Variants in CTNNBL1 observed in about 807,000 individuals in gnomAD.
CTNNBL1 encodes beta-catenin-like protein 1.
Under a neutral mutation model 72.7 loss-of-function variants are expected in CTNNBL1, and 31 were observed. The ratio of observed to expected loss-of-function variants is 0.43; its 90% CI spans 0.32 to 0.58. CTNNBL1 has a LOEUF of 0.58. Ranked by LOEUF, CTNNBL1 falls within the 20% of genes least tolerant of loss-of-function variation. The probability of loss-of-function intolerance (pLI) is 0.08; values close to 1 mark genes in which losing one functional copy is unlikely to be tolerated. For synonymous variants in CTNNBL1, 240 were observed against 267.3 expected, an observed-to-expected ratio of 0.90 and a Z score of 1.00; for missense variants, 534 against 725.1, an observed-to-expected ratio of 0.74 and a Z score of 3.03.
At chr20:37,866,569 T>A (rs1033332416) in intron 15 of CTNNBL1, among the ~76,000 whole-genome samples, 1 of 152,238 alleles carries the variant, frequency 6.6e-6, no homozygotes, top group Non-Finnish European at 1.5e-5. Context: ...AAGTGCCTGT[T>A]ACATGTTAGC....
intron 4 of CTNNBL1, among the ~76,000 whole-genome samples, chr20:37,754,459 T>C (rs1426959691): frequency 6.6e-6 from 1 of 151,994 alleles, no homozygotes; most frequent in Non-Finnish European, 1.5e-5. Context: ...AGTGGGTGGA[T>C]GGGTGGATGG....
chr20:37,750,553 C>T (rs2073309757), intron 4 of CTNNBL1: 1 of 152,082 alleles, frequency 6.6e-6, no homozygotes, highest in Admixed American at 6.5e-5. Context: ...TAAGGTATTG[C>T]TAAAAAATCC....
At chr20:37,771,568 C>CT (rs11477083) in intron 7 of CTNNBL1, among the ~76,000 whole-genome samples, 1,910 of 146,932 alleles carry the variant, frequency 0.013, 23 homozygotes, top group African/African-American at 0.038. Context: ...TTTTAGATAC[C>CT]TTTTTTTTTT....
intron 1 of CTNNBL1, among the ~76,000 whole-genome samples, chr20:37,712,635 AAC>A (rs2072948567): frequency 1.3e-5 from 2 of 152,244 alleles, no homozygotes. Context: ...ACTAATACAA[AAC>A]ACCCAAACTT....
intron 15 of CTNNBL1, among the ~76,000 whole-genome samples, chr20:37,869,613 A>G (rs942445217): frequency 6.6e-6 from 1 of 152,208 alleles, no homozygotes; most frequent in African/African-American, 2.4e-5. Context: ...TCAGGCCCAC[A>G]TGTGCTGGAG....
At chr20:37,695,506 AAT>A (rs1270459347) in intron 1 of CTNNBL1, among the ~76,000 whole-genome samples, 1 of 152,176 alleles carries the variant, frequency 6.6e-6, no homozygotes, top group Non-Finnish European at 1.5e-5. Flanking sequence ...CAGCCAATAA[AAT>A]ATGTTTAAAA....
chr20:37,843,926 T>C (rs2072325887), intron 13 of CTNNBL1, among the ~76,000 whole-genome samples: 2 of 152,258 alleles, frequency 1.3e-5, no homozygotes, highest in African/African-American at 4.8e-5. Flanking sequence ...CTCTAAATTC[T>C]GAGGCTGCAC....
At chr20:37,856,290 T>G (rs1203850409) in intron 13 of CTNNBL1, among the ~76,000 whole-genome samples, 1 of 151,784 alleles carries the variant, frequency 6.6e-6, no homozygotes, top group African/African-American at 2.4e-5. Flanking sequence ...GCTCTTCCTT[T>G]CAAGGAACGC....
intron 11 of CTNNBL1, among the ~76,000 whole-genome samples, chr20:37,824,052 T>A (rs2072135263): frequency 6.6e-6 from 1 of 152,236 alleles, no homozygotes; most frequent in Admixed American, 6.5e-5. Context: ...CTGAAAGAGC[T>A]TCCAGGGCAC....
At chr20:37,787,313 G>C (rs549308858) in intron 10 of CTNNBL1, among the ~76,000 whole-genome samples, 30 of 136,410 alleles carry the variant, frequency 2.2e-4, no homozygotes, top group African/African-American at 8.1e-4. Flanking sequence ...TGTGTTACGT[G>C]TAACTCTTGT....
chr20:37,824,117 G>A (rs184451573), intron 11 of CTNNBL1, among the ~76,000 whole-genome samples: 4 of 152,334 alleles, frequency 2.6e-5, no homozygotes, highest in African/African-American at 9.6e-5. Flanking sequence ...TGCGCTGCAG[G>A]AAACCAAAGG....
intron 1 of CTNNBL1, among the ~76,000 whole-genome samples, 162 bp from the exon 2 acceptor site, chr20:37,732,717 A>C (rs2073139803): frequency 1.3e-5 from 2 of 152,168 alleles, no homozygotes; most frequent in Non-Finnish European, 2.9e-5. Context: ...TTTTTTGTAG[A>C]GTCAGGGTTT....
intron 11 of CTNNBL1, among the ~76,000 whole-genome samples, chr20:37,826,589 G>A (rs570925807): frequency 6.6e-6 from 1 of 152,298 alleles, no homozygotes; most frequent in South Asian, 2.1e-4. Context: ...CATATTCCAA[G>A]TGCACACTTT....
chr20:37,849,201 T>C (rs2072373149), intron 13 of CTNNBL1, among the ~76,000 whole-genome samples: 1 of 152,248 alleles, frequency 6.6e-6, no homozygotes, highest in African/African-American at 2.4e-5. Context: ...CTAACTAGTC[T>C]GCCTATCTGT....
chr20:37,707,825 G>C (rs2072901109), intron 1 of CTNNBL1, among the ~76,000 whole-genome samples: 1 of 152,206 alleles, frequency 6.6e-6, no homozygotes, highest in Non-Finnish European at 1.5e-5. Context: ...TTTAAAGTGA[G>C]AGATGTGAGA....
chr20:37,742,952 C>T (rs1016405645), intron 3 of CTNNBL1, among the ~76,000 whole-genome samples: 5 of 151,932 alleles, frequency 3.3e-5, no homozygotes, highest in African/African-American at 7.3e-5. Context: ...TACAAGTGTG[C>T]GCCACCACAC....
intron 13 of CTNNBL1, among the ~76,000 whole-genome samples, chr20:37,845,831 G>T (rs2072342785): frequency 6.6e-6 from 1 of 152,200 alleles, no homozygotes; most frequent in Admixed American, 6.5e-5. Context: ...TATCAGATCA[G>T]TAGTGAATAA....
intron 13 of CTNNBL1, among the ~76,000 whole-genome samples, chr20:37,855,612 C>T (rs1277578047): frequency 6.6e-6 from 1 of 152,180 alleles, no homozygotes. Flanking sequence ...CCCCTTCTCA[C>T]GTAGGCTGAT....
intron 13 of CTNNBL1, among the ~76,000 whole-genome samples, chr20:37,845,220 C>T (rs1216872142): frequency 6.6e-6 from 1 of 152,144 alleles, no homozygotes; most frequent in Non-Finnish European, 1.5e-5. Context: ...TGAGGTGCAG[C>T]TTAGACTTTT....
Sources: allele counts gnomAD v4.1 joint callset (sites outside exome capture counted in the v4.1 genomes callset), GRCh38; gene constraint gnomAD v4.1.1; transcripts MANE v1.5; gene names NCBI Gene and HGNC (gene_info 2026-07-23, HGNC 2026-07-21).